The following MLLT3 variants were observed in gnomAD, a reference collection of about 807,000 sequenced individuals.
MLLT3 encodes protein AF-9.
MLLT3 carries 4 observed loss-of-function variants against 53.2 expected under a neutral mutation model. The observed-to-expected ratio is 0.08, with a 90% CI of 0.04 to 0.17. The LOEUF (loss-of-function observed/expected upper bound fraction) is 0.17, where lower values mean the gene tolerates loss of function less well. Among genes scored for constraint, MLLT3 ranks in the 10% least tolerant of loss-of-function variants. The probability of loss-of-function intolerance (pLI) is 1.00; values close to 1 mark genes in which losing one functional copy is unlikely to be tolerated. For missense variants in MLLT3, 569 were observed against 684.0 expected, an observed-to-expected ratio of 0.83 and a Z score of 1.87; for synonymous variants, 283 against 230.6, an observed-to-expected ratio of 1.23 and a Z score of -2.06.
intron 2 of MLLT3, among the ~76,000 whole-genome samples, chr9:20,520,183 C>T (rs948651705): frequency 5.3e-5 from 8 of 152,060 alleles, no homozygotes; most frequent in Non-Finnish European, 7.4e-5. Context: ...GAACAACACA[C>T]ACTGGGGCCT....
At chr9:20,483,912 C>T (rs1039096263) in intron 2 of MLLT3, among the ~76,000 whole-genome samples, 1 of 151,324 alleles carries the variant, frequency 6.6e-6, no homozygotes, top group African/African-American at 2.4e-5. Flanking sequence ...GGGGTTTCAC[C>T]GTGTTAGCCA....
intron 2 of MLLT3, among the ~76,000 whole-genome samples, chr9:20,514,092 T>C (rs755428693): frequency 6.6e-6 from 1 of 152,196 alleles, no homozygotes; most frequent in Non-Finnish European, 1.5e-5. Context: ...ACGAGGCAGG[T>C]GTCTCCTGAG....
intron 4 of MLLT3, among the ~76,000 whole-genome samples, chr9:20,428,711 G>C (rs918373856): frequency 6.6e-6 from 1 of 151,826 alleles, no homozygotes; most frequent in African/African-American, 2.4e-5. Flanking sequence ...AAAGAACTTT[G>C]AAAAGAACTA....
At chr9:20,404,205 G>C (rs1822525967) in intron 5 of MLLT3, among the ~76,000 whole-genome samples, 1 of 152,114 alleles carries the variant, frequency 6.6e-6, no homozygotes, top group Non-Finnish European at 1.5e-5. Flanking sequence ...GGCCAAATAG[G>C]AAATGACGTT....
intron 2 of MLLT3, among the ~76,000 whole-genome samples, chr9:20,589,713 A>AT (rs35077926): frequency 0.36 from 49,750 of 139,132 alleles, 8,896 homozygotes; most frequent in East Asian, 0.48. Flanking sequence ...TTAATCGGTG[A>AT]TTTTTTTTTT....
intron 2 of MLLT3, among the ~76,000 whole-genome samples, chr9:20,566,002 A>ATT (rs1563820766): frequency 1.0e-4 from 13 of 129,216 alleles, no homozygotes; most frequent in African/African-American, 3.3e-4. Context: ...ATATTTATTT[A>ATT]TATATATATT....
chr9:20,396,326 G>C (rs1822320726), intron 5 of MLLT3, among the ~76,000 whole-genome samples: 1 of 151,966 alleles, frequency 6.6e-6, no homozygotes, highest in African/African-American at 2.4e-5. Flanking sequence ...GGTTCTACTG[G>C]AATTTACAGA....
At chr9:20,430,918 C>A (rs1035682120) in intron 4 of MLLT3, among the ~76,000 whole-genome samples, 1 of 151,960 alleles carries the variant, frequency 6.6e-6, no homozygotes, top group Admixed American at 6.6e-5. Context: ...AAGACATGAA[C>A]AAACATTTCA....
chr9:20,462,594 C>T (rs1180401213), intron 2 of MLLT3, among the ~76,000 whole-genome samples: 1 of 152,102 alleles, frequency 6.6e-6, no homozygotes, highest in Admixed American at 6.6e-5. Context: ...AATAGCACCA[C>T]CTCTGGAGAG....
At chr9:20,543,339 A>C (rs1236572541) in intron 2 of MLLT3, among the ~76,000 whole-genome samples, 1 of 152,218 alleles carries the variant, frequency 6.6e-6, no homozygotes, top group Non-Finnish European at 1.5e-5. Flanking sequence ...CTAGCTTTTA[A>C]TTTAAAGTGA....
intron 5 of MLLT3, among the ~76,000 whole-genome samples, chr9:20,397,639 G>A (rs1028154152): frequency 3.9e-5 from 6 of 152,132 alleles, no homozygotes; most frequent in African/African-American, 1.4e-4. Context: ...CTAAGTTTTA[G>A]GGTGTCTTAA....
intron 2 of MLLT3, among the ~76,000 whole-genome samples, chr9:20,589,075 C>T (rs536632767): frequency 9.9e-4 from 149 of 150,784 alleles, no homozygotes; most frequent in African/African-American, 3.4e-3. Context: ...CCCAGCCATC[C>T]CATTACTGGG....
intron 2 of MLLT3, among the ~76,000 whole-genome samples, chr9:20,615,016 G>A (rs910722049): frequency 6.6e-6 from 1 of 152,100 alleles, no homozygotes; most frequent in African/African-American, 2.4e-5. Flanking sequence ...GAATATAAAA[G>A]ACTTCTGCAT....
intron 2 of MLLT3, among the ~76,000 whole-genome samples, chr9:20,513,939 C>T (rs1817831828): frequency 6.6e-6 from 1 of 152,196 alleles, no homozygotes; most frequent in Non-Finnish European, 1.5e-5. Flanking sequence ...GGTGGATGCA[C>T]TGACTGTAAG....
At chr9:20,402,046 G>A (rs1822469620) in intron 5 of MLLT3, among the ~76,000 whole-genome samples, 1 of 152,176 alleles carries the variant, frequency 6.6e-6, no homozygotes, top group African/African-American at 2.4e-5. Flanking sequence ...TAGAAAAGGA[G>A]AAACTGAGAA....
At chr9:20,457,392 G>A (rs1369368811) in intron 2 of MLLT3, among the ~76,000 whole-genome samples, 1 of 151,770 alleles carries the variant, frequency 6.6e-6, no homozygotes, top group Non-Finnish European at 1.5e-5. Context: ...TGGGATTACA[G>A]GCATGCGTCA....
intron 8 of MLLT3, 62 bp from the exon 9 acceptor site, chr9:20,354,941 A>C: frequency 8.3e-7 from 1 of 1,205,278 alleles, no homozygotes; most frequent in South Asian, 1.2e-5. Flanking sequence ...CTAACCAGCC[A>C]CCTAAACAAA....
chr9:20,483,067 AC>A (rs1056007766), intron 2 of MLLT3, among the ~76,000 whole-genome samples: 1 of 152,152 alleles, frequency 6.6e-6, no homozygotes, highest in African/African-American at 2.4e-5. Flanking sequence ...TGAAAAAAAA[AC>A]AAACTGTGGA....
chr9:20,593,242 T>C (rs1238222832), intron 2 of MLLT3, among the ~76,000 whole-genome samples: 2 of 152,148 alleles, frequency 1.3e-5, no homozygotes, highest in Non-Finnish European at 2.9e-5. Context: ...CCACCTCCTC[T>C]CTCCTCAGAT....
Sources: allele counts gnomAD v4.1 joint callset (sites outside exome capture counted in the v4.1 genomes callset), GRCh38; gene constraint gnomAD v4.1.1; transcripts MANE v1.5; gene names NCBI Gene and HGNC (gene_info 2026-07-23, HGNC 2026-07-21).